The following MACROD2 variants were observed in gnomAD, a reference collection of about 807,000 sequenced individuals.
MACROD2 encodes the protein mono-ADP ribosylhydrolase 2.
MACROD2 carries 36 observed loss-of-function variants against 70.4 expected under a neutral mutation model. The observed-to-expected ratio is 0.51, with a 90% CI of 0.39 to 0.68. The LOEUF (loss-of-function observed/expected upper bound fraction) is 0.68. MACROD2 is among the 30% of genes least tolerant of loss of function. The pLI, the probability that MACROD2 is intolerant of heterozygous loss-of-function variation, is 0.00. For missense variants in MACROD2, 496 were observed against 538.4 expected (o/e 0.92, Z 0.78); for synonymous variants, 172 against 178.8 (o/e 0.96, Z 0.30).
intron 8 of MACROD2, among the ~76,000 whole-genome samples, chr20:15,535,138 G>T (rs2047857043): frequency 6.6e-6 from 1 of 152,052 alleles, no homozygotes; most frequent in Non-Finnish European, 1.5e-5. Flanking sequence ...ACTGTGCTCA[G>T]CTAATTTTTT....
intron 8 of MACROD2, among the ~76,000 whole-genome samples, chr20:15,618,888 C>G (rs1020193751): frequency 6.6e-6 from 1 of 152,166 alleles, no homozygotes; most frequent in Non-Finnish European, 1.5e-5. Context: ...TCAGTTTTGC[C>G]CAAGCATTCC....
At chr20:15,041,438 T>G (rs2123027655) in intron 5 of MACROD2, among the ~76,000 whole-genome samples, 1 of 150,900 alleles carries the variant, frequency 6.6e-6, no homozygotes, top group South Asian at 2.1e-4. Context: ...TAAATTAATT[T>G]CTCTCTCTCT....
chr20:15,398,461 G>A (rs1225606572), intron 6 of MACROD2, among the ~76,000 whole-genome samples: 28 of 152,216 alleles, frequency 1.8e-4, no homozygotes, highest in Non-Finnish European at 1.5e-5. Context: ...ACAGGTAGGT[G>A]TAAGAGTACA....
At position 14,598,689 on chromosome 20, in the gene MACROD2, C is replaced by T. The variant is rs2065588718; in HGVS notation, c.302-86154C>T. ...TAAAATTTATTTGCTGTGAAGCTTT[C>T]CCAATAGCCTAAGTGTATACAAGAA... On this transcript the variant is annotated intron_variant, in intron 4 of 17. Coordinates refer to ENST00000684519, the MANE Select transcript of MACROD2 (RefSeq NM_001351661.2). Among the ~76,000 whole-genome samples, 7 of 152,202 alleles carry T rather than the reference C, an allele frequency of 4.6e-5. No individual in the cohort carries two copies. In the South Asian group the frequency reaches 1.4e-3, roughly 32 times the overall value.
chr20:14,890,408 C>T (rs2073739496), intron 5 of MACROD2, among the ~76,000 whole-genome samples: 1 of 152,022 alleles, frequency 6.6e-6, no homozygotes. Flanking sequence ...GGAAGAAAAC[C>T]AAGAGAAGAT....
intron 3 of MACROD2, among the ~76,000 whole-genome samples, chr20:14,470,376 A>T (rs1293408234): frequency 6.6e-6 from 1 of 152,150 alleles, no homozygotes; most frequent in African/African-American, 2.4e-5. Context: ...TCCCTCTGGA[A>T]GGTGTCTCCC....
chr20:15,466,831 C>T (rs1238534423), intron 7 of MACROD2, among the ~76,000 whole-genome samples: 1 of 152,148 alleles, frequency 6.6e-6, no homozygotes, highest in African/African-American at 2.4e-5. Context: ...TAGAGAAGCT[C>T]CTAAAGACTC....
intron 5 of MACROD2, among the ~76,000 whole-genome samples, chr20:15,084,073 T>TTTTTTTG (rs1555780902): frequency 4.3e-5 from 4 of 92,780 alleles, no homozygotes; most frequent in Admixed American, 1.2e-4. Flanking sequence ...TTTTTTTTTG[T>TTTTTTTG]TTTTTTTTTT....
At chr20:14,339,376 A>G (rs1429986812) in intron 3 of MACROD2, among the ~76,000 whole-genome samples, 3 of 152,156 alleles carry the variant, frequency 2.0e-5, no homozygotes, top group Admixed American at 6.5e-5. Flanking sequence ...GAGGAAAGGG[A>G]GGTGGATATT....
At chr20:15,162,397 A>C (rs427928) in intron 5 of MACROD2, among the ~76,000 whole-genome samples, 78,142 of 151,674 alleles carry the variant, frequency 0.52, 20,220 homozygotes, top group East Asian at 0.56. Context: ...AAAGTTAGAC[A>C]CTAAGAAGGT....
At chr20:14,242,926 A>G (rs535922124) in intron 3 of MACROD2, among the ~76,000 whole-genome samples, 64 of 152,210 alleles carry the variant, frequency 4.2e-4, no homozygotes, top group Non-Finnish European at 6.9e-4. Context: ...AACAGATACT[A>G]TCACGTAAAA....
chr20:15,639,923 AAGAG>A (rs752291020), intron 8 of MACROD2, among the ~76,000 whole-genome samples: 18 of 151,406 alleles, frequency 1.2e-4, no homozygotes, highest in East Asian at 3.9e-4. Context: ...GAAGGAGAGA[AAGAG>A]AGAGAGGCAG....
chr20:15,002,685 G>GA (rs2075005374), intron 5 of MACROD2, among the ~76,000 whole-genome samples: 1 of 152,096 alleles, frequency 6.6e-6, no homozygotes, highest in African/African-American at 2.4e-5. Context: ...CAGGGTGTAA[G>GA]AAAAAAGCCA....
Position 15,636,076 on chromosome 20 carries a change from G to GAAAAAAAAAAAA in MACROD2, c.645+136234_645+136245dup, listed in dbSNP as rs57402806. 1.2e-3 allele frequency among the ~76,000 whole-genome samples: 99 copies of GAAAAAAAAAAAA among 85,810 alleles called. 6 individuals are homozygous for GAAAAAAAAAAAA. The highest frequency in any genetic ancestry group is 3.0e-3 in the African/African-American group (76 of 25,118). 56.3% of individuals were successfully genotyped at this position (85,810 alleles called of 152,430 possible). On this transcript the variant is annotated intron_variant, in intron 8 of 17. Coordinates refer to ENST00000684519, the MANE Select transcript of MACROD2 (RefSeq NM_001351661.2). ...GACAGAGCGAGGCTCCCTCTCAAAA[G>GAAAAAAAAAAAA]AAAAAAAAAAAAAAAAGAAAGAAAA...
chr20:15,737,385 G>A (rs2051038251), intron 8 of MACROD2, among the ~76,000 whole-genome samples: 1 of 152,180 alleles, frequency 6.6e-6, no homozygotes, highest in Admixed American at 6.5e-5. Context: ...TTTCTCAACT[G>A]TATCTTGTAT....
At chr20:14,583,728 C>T (rs756752480) in intron 4 of MACROD2, among the ~76,000 whole-genome samples, 6 of 152,068 alleles carry the variant, frequency 3.9e-5, no homozygotes, top group Non-Finnish European at 5.9e-5. Flanking sequence ...TGCATTTATC[C>T]CTATCCATGG....
intron 8 of MACROD2, among the ~76,000 whole-genome samples, chr20:15,717,103 C>T (rs10485540): frequency 0.073 from 11,177 of 152,196 alleles, 451 homozygotes; most frequent in East Asian, 0.13. Context: ...GAAATAATTA[C>T]AGTTGTTTGT....
chr20:15,967,705 ACAGACTTGAATTTTTCTGG>A, intron 13 of MACROD2, 75 bp downstream of exon 13: 1 of 1,158,942 alleles, frequency 8.6e-7, no homozygotes, highest in Non-Finnish European at 1.2e-6. Flanking sequence ...AAAAAAACCC[ACAGACTTGAATTTTTCTGG>A]AAAAATATTG....
At chr20:15,699,682 G>T (rs1015544745) in intron 8 of MACROD2, among the ~76,000 whole-genome samples, 8 of 152,316 alleles carry the variant, frequency 5.3e-5, no homozygotes, top group Middle Eastern at 3.4e-3. Context: ...CCACCTCCCA[G>T]CTGCGAAAGA....
Sources: allele counts gnomAD v4.1 joint callset (sites outside exome capture counted in the v4.1 genomes callset), GRCh38; gene constraint gnomAD v4.1.1; transcripts MANE v1.5; gene names NCBI Gene and HGNC (gene_info 2026-07-23, HGNC 2026-07-21).